Variants in PBRM1 observed in about 807,000 individuals in gnomAD.
PBRM1 encodes the protein polybromo 1.
In PBRM1, 27 loss-of-function variants were observed where a neutral mutation model predicts 194.5. The ratio of observed to expected loss-of-function variants is 0.14; its 90% CI spans 0.10 to 0.19. PBRM1 has a LOEUF of 0.19. PBRM1 is among the 10% of genes least tolerant of loss of function. The probability of loss-of-function intolerance (pLI) is 1.00; values close to 1 mark genes in which losing one functional copy is unlikely to be tolerated. For missense variants in PBRM1, 1,466 were observed against 2,077.2 expected, an observed-to-expected ratio of 0.71 and a Z score of 5.72; for synonymous variants, 655 against 693.2, an observed-to-expected ratio of 0.94 and a Z score of 0.87.
At chr3:52,562,685 A>G (rs901975084) in intron 24 of PBRM1, among the ~76,000 whole-genome samples, 8 of 151,982 alleles carry the variant, frequency 5.3e-5, no homozygotes, top group Non-Finnish European at 1.0e-4. Flanking sequence ...CTGGGACTAC[A>G]GGTGTGCATC....
chr3:52,549,208 T>A (rs189623208), intron 29 of PBRM1, among the ~76,000 whole-genome samples: 1 of 151,986 alleles, frequency 6.6e-6, no homozygotes, highest in Admixed American at 6.6e-5. Context: ...TTAGTAGAGA[T>A]GGGATTTCAC....
chr3:52,586,747 T>TAAAAAAAAAAAA (rs1560100502), intron 19 of PBRM1, 59 bp from the exon 22 acceptor site: 4 of 145,054 alleles, frequency 2.8e-5, no homozygotes, highest in Non-Finnish European at 4.2e-5. Context: ...TGAAAATCAA[T>TAAAAAAAAAAAA]CAAAAAAAAA....
At chr3:52,629,471 G>A (rs2095548364) in intron 11 of PBRM1, among the ~76,000 whole-genome samples, 1 of 152,150 alleles carries the variant, frequency 6.6e-6, no homozygotes, top group South Asian at 2.1e-4. Context: ...GGCCATTCTA[G>A]TTCATAAGGG....
chr3:52,625,068 G>A, intron 13 of PBRM1, 127 bp from the exon 15 acceptor site: 1 of 700,700 alleles, frequency 1.4e-6, no homozygotes, highest in Non-Finnish European at 2.6e-6. Flanking sequence ...GACAATATTT[G>A]AAACATTTCA....
intron 2 of PBRM1, 88 bp downstream of exon 3, chr3:52,678,412 C>T (rs1445821722): frequency 1.2e-6 from 1 of 814,642 alleles, no homozygotes; most frequent in Non-Finnish European, 2.1e-6. Flanking sequence ...CCATTCCTGC[C>T]AACAAAAAGC....
chr3:52,587,641 C>T, intron 18 of PBRM1, 131 bp from the exon 21 acceptor site: 1 of 662,614 alleles, frequency 1.5e-6, no homozygotes, highest in Admixed American at 3.3e-5. Context: ...AATTCCTGGG[C>T]CAAAGTGGTC....
intron 13 of PBRM1, among the ~76,000 whole-genome samples, chr3:52,620,754 CA>C (rs1287538524): frequency 2.0e-5 from 3 of 152,190 alleles, no homozygotes; most frequent in Non-Finnish European, 4.4e-5. Flanking sequence ...ACTGTTTTAG[CA>C]CTCATATTAC....
intron 22 of PBRM1, among the ~76,000 whole-genome samples, chr3:52,566,359 C>T (rs1208649588): frequency 6.6e-6 from 1 of 152,102 alleles, no homozygotes; most frequent in Non-Finnish European, 1.5e-5. Flanking sequence ...CAAAAGAAAT[C>T]AGAGGATCAA....
intron 4 of PBRM1, among the ~76,000 whole-genome samples, chr3:52,659,146 T>C (rs1200985047): frequency 3.3e-5 from 5 of 152,212 alleles, no homozygotes; most frequent in African/African-American, 9.7e-5. Flanking sequence ...ACCATTTCTG[T>C]TCTTTAGACC....
chr3:52,591,766 C>T (rs539745977), intron 17 of PBRM1, among the ~76,000 whole-genome samples: 2 of 149,424 alleles, frequency 1.3e-5, no homozygotes, highest in Admixed American at 6.7e-5. Context: ...GATCCACCCG[C>T]CCCGGCCTCC....
downstream of PBRM1, chr3:52,546,871 A>G (rs1207501160): frequency 4.3e-6 from 1 of 233,144 alleles, no homozygotes. Context: ...AGCACAAGCT[A>G]AATTTAAAAA....
intron 10 of PBRM1, among the ~76,000 whole-genome samples, chr3:52,639,101 C>T (rs758100986): frequency 7.2e-5 from 11 of 151,726 alleles, no homozygotes; most frequent in Non-Finnish European, 1.2e-4. Flanking sequence ...TCTTCTGCCT[C>T]AGCCTCCCAA....
chr3:52,652,470 C>T (rs1384960614), intron 5 of PBRM1, among the ~76,000 whole-genome samples: 4 of 150,900 alleles, frequency 2.7e-5, no homozygotes, highest in Non-Finnish European at 5.9e-5. Flanking sequence ...GGGTGGTTCA[C>T]GAGGTCAGGA....
intron 10 of PBRM1, among the ~76,000 whole-genome samples, chr3:52,640,358 A>G (rs2096023594): frequency 6.6e-6 from 1 of 150,954 alleles, no homozygotes; most frequent in Admixed American, 6.6e-5. Flanking sequence ...TTCAGGCTCA[A>G]CCTCCCTGGG....
intron 22 of PBRM1, among the ~76,000 whole-genome samples, chr3:52,565,733 C>T (rs2084967557): frequency 6.6e-6 from 1 of 151,822 alleles, no homozygotes; most frequent in South Asian, 2.1e-4. Flanking sequence ...TAAAAAAAGA[C>T]ATACGAATGT....
downstream of PBRM1, chr3:52,546,363 GAC>G (rs2079678227): frequency 4.3e-6 from 1 of 230,794 alleles, no homozygotes; most frequent in Non-Finnish European, 8.6e-6. Context: ...ATAAGGTACT[GAC>G]ACACTACTGC....
downstream of PBRM1, chr3:52,547,648 T>TTG (rs201549104): frequency 2.1e-5 from 5 of 234,340 alleles, no homozygotes; most frequent in Middle Eastern, 1.3e-3. Context: ...CTGTAAACTC[T>TTG]TGTGTGTGTG....
chr3:52,602,881 G>GA (rs1345044686), intron 17 of PBRM1, among the ~76,000 whole-genome samples: 9 of 152,074 alleles, frequency 5.9e-5, no homozygotes, highest in East Asian at 1.9e-4. Flanking sequence ...TTGCCTAAGG[G>GA]AAAAAAATCT....
chr3:52,577,233 C>A (rs1013632432), intron 21 of PBRM1, among the ~76,000 whole-genome samples: 2 of 152,004 alleles, frequency 1.3e-5, no homozygotes, highest in African/African-American at 4.8e-5. Context: ...GAGTTCAAGA[C>A]CAGCCTGGAC....
Sources: allele counts gnomAD v4.1 joint callset (sites outside exome capture counted in the v4.1 genomes callset), GRCh38; gene constraint gnomAD v4.1.1; transcripts MANE v1.5; gene names NCBI Gene and HGNC (gene_info 2026-07-23, HGNC 2026-07-21).